Variants in DOCK10 observed in about 807,000 individuals in gnomAD.
DOCK10 encodes dedicator of cytokinesis protein 10.
A neutral mutation model predicts 280.1 loss-of-function variants in DOCK10; 145 were observed. The observed-to-expected ratio is 0.52, with a 90% CI of 0.45 to 0.59. The LOEUF (loss-of-function observed/expected upper bound fraction) is 0.59. Among genes scored for constraint, DOCK10 ranks in the 20% least tolerant of loss-of-function variants. DOCK10 has a pLI of 0.00. For missense variants in DOCK10, 2,368 were observed against 2,651.7 expected (o/e 0.89, Z 2.35); for synonymous variants, 915 against 942.2 (o/e 0.97, Z 0.53).
At chr2:224,791,373 G>A (rs964505729) in intron 47 of DOCK10, among the ~76,000 whole-genome samples, 3 of 151,758 alleles carry the variant, frequency 2.0e-5, no homozygotes, top group African/African-American at 7.3e-5. Context: ...TGAGCCATGG[G>A]TGCCATAGGG....
At chr2:224,830,884 T>C (rs1695178928) in intron 26 of DOCK10, among the ~76,000 whole-genome samples, 6 of 150,868 alleles carry the variant, frequency 4.0e-5, no homozygotes, top group Admixed American at 4.0e-4. Context: ...AGGGATGTTC[T>C]AGTTGTTTCA....
Position 224,968,880 on chromosome 2 carries a change from A to G in DOCK10, c.124-37212T>C, listed in dbSNP as rs188812348. On this transcript the variant is annotated intron_variant, in intron 1 of 55. Coordinates refer to ENST00000258390, the MANE Select transcript of DOCK10 (RefSeq NM_014689.3). ...CAACACAAGGTGTGAACGTCTCTTTAACTGACTGTAACTCAAACAGAGCCA... is the reference window on the plus strand; with the variant it reads ...CAACACAAGGTGTGAACGTCTCTTTGACTGACTGTAACTCAAACAGAGCCA... Among the ~76,000 whole-genome samples, 15 of 152,306 alleles carry G rather than the reference A, an allele frequency of 9.8e-5. No homozygotes were observed. The East Asian group carries it at 2.7e-3, about 27-fold the overall frequency.
At chr2:224,999,240 GTCTC>G (rs916845973) in intron 1 of DOCK10, among the ~76,000 whole-genome samples, 27 of 139,998 alleles carry the variant, frequency 1.9e-4, no homozygotes, top group African/African-American at 6.0e-4. Context: ...CTCTTTCTCT[GTCTC>G]TCTCTCTTTT....
intron 33 of DOCK10, 35 bp downstream of exon 33, chr2:224,807,633 T>C (rs1312832132): frequency 2.3e-5 from 31 of 1,357,462 alleles, no homozygotes; most frequent in Non-Finnish European, 2.9e-5. Flanking sequence ...AAATTCTTTA[T>C]TAACATAGAA....
intron 15 of DOCK10, among the ~76,000 whole-genome samples, chr2:224,855,290 G>C (rs1697049775): frequency 6.6e-6 from 1 of 152,156 alleles, no homozygotes; most frequent in Non-Finnish European, 1.5e-5. Context: ...CAGATTTTCT[G>C]AAAAATTTTA....
chr2:224,803,989 TAAATAG>T (rs200969238), intron 39 of DOCK10, 117 bp downstream of exon 39: 80 of 585,384 alleles, frequency 1.4e-4, no homozygotes, highest in African/African-American at 1.9e-4. Context: ...TTTGAATATA[TAAATAG>T]AAATATGTGT....
intron 1 of DOCK10, among the ~76,000 whole-genome samples, chr2:225,000,190 T>TCACA (rs376882215): frequency 6.9e-6 from 1 of 144,128 alleles, no homozygotes; most frequent in Non-Finnish European, 1.5e-5. Flanking sequence ...ATCACTCAAG[T>TCACA]CACACACACA....
Position 224,777,537 on chromosome 2 carries a change from A to G in DOCK10, c.5802+601T>C, listed in dbSNP as rs528141412. On this transcript the variant is annotated intron_variant, in intron 51 of 55. Coordinates refer to ENST00000258390, the MANE Select transcript of DOCK10 (RefSeq NM_014689.3). ...AGACTCCAAGTTCTTCAGCTTTTGG[A>G]CTCTTGGACTTACACGAGTGATCTG... Among the ~76,000 whole-genome samples the G allele has an allele frequency of 3.9e-5, 6 of 151,978 alleles. No homozygotes were observed. In the South Asian group the frequency reaches 1.2e-3, roughly 32 times the overall value.
intron 44 of DOCK10, 140 bp from the exon 45 acceptor site, chr2:224,795,234 T>C: frequency 1.5e-6 from 1 of 685,798 alleles, no homozygotes; most frequent in South Asian, 1.9e-5. Context: ...ATTCTATATA[T>C]GTGCATTCTA....
At chr2:225,034,806 C>G (rs1690177933) in intron 1 of DOCK10, among the ~76,000 whole-genome samples, 1 of 152,160 alleles carries the variant, frequency 6.6e-6, no homozygotes, top group East Asian at 1.9e-4. Flanking sequence ...ATGAAGACAA[C>G]TAAGCCTAGT....
chr2:224,886,894 C>A (rs537319390), intron 4 of DOCK10, among the ~76,000 whole-genome samples: 5 of 134,644 alleles, frequency 3.7e-5, no homozygotes, highest in East Asian at 4.2e-4. Context: ...CAACACCCCC[C>A]CAAGTAGTAC....
At chr2:225,036,273 G>A (rs527329605) in intron 1 of DOCK10, among the ~76,000 whole-genome samples, 174 of 152,254 alleles carry the variant, frequency 1.1e-3, no homozygotes, top group African/African-American at 4.0e-3. Flanking sequence ...AGATGGAGGA[G>A]AGAATATAAC....
chr2:224,912,643 A>C (rs574412881), intron 3 of DOCK10, among the ~76,000 whole-genome samples: 38 of 152,148 alleles, frequency 2.5e-4, no homozygotes, highest in Non-Finnish European at 4.1e-4. Flanking sequence ...GCCTTATATA[A>C]ACATATTTGT....
chr2:224,949,062 T>C (rs779836685), intron 1 of DOCK10, among the ~76,000 whole-genome samples: 2 of 152,118 alleles, frequency 1.3e-5, no homozygotes, highest in Non-Finnish European at 2.9e-5. Context: ...CCCGGCAGCA[T>C]ATGGGGATGT....
At chr2:224,971,467 G>A (rs1438032641) in intron 1 of DOCK10, among the ~76,000 whole-genome samples, 1 of 152,118 alleles carries the variant, frequency 6.6e-6, no homozygotes, top group African/African-American at 2.4e-5. Flanking sequence ...TGGGCTTGCA[G>A]GGAAGGTGGC....
chr2:224,863,136 T>C (rs1035988569), intron 13 of DOCK10, among the ~76,000 whole-genome samples: 49 of 152,238 alleles, frequency 3.2e-4, no homozygotes, highest in Non-Finnish European at 6.5e-4. Flanking sequence ...AAGAGTCATA[T>C]AGTAAACACA....
At chr2:225,031,509 G>T (rs1164835340) in intron 1 of DOCK10, among the ~76,000 whole-genome samples, 3 of 152,202 alleles carry the variant, frequency 2.0e-5, no homozygotes, top group Admixed American at 2.0e-4. Flanking sequence ...CTGGGTCCAG[G>T]ACAGATCATA....
intron 1 of DOCK10, among the ~76,000 whole-genome samples, chr2:225,032,746 CAA>C (rs1286496583): frequency 2.0e-5 from 3 of 152,176 alleles, no homozygotes; most frequent in Non-Finnish European, 4.4e-5. Context: ...GCTAATCAAA[CAA>C]TGAGTATTTG....
chr2:224,917,101 CTTTTTTTTTTTT>C (rs58223345), intron 2 of DOCK10, among the ~76,000 whole-genome samples: 6 of 95,780 alleles, frequency 6.3e-5, no homozygotes, highest in African/African-American at 2.3e-4. Context: ...CTATTGGAAT[CTTTTTTTTTTTT>C]TTTTTTTTTT....
Sources: gnomAD v4.1 joint callset for allele counts (sites outside exome capture counted in the v4.1 genomes callset) on GRCh38, gnomAD v4.1.1 for gene constraint, MANE v1.5 for transcripts, NCBI Gene and HGNC (gene_info 2026-07-23, HGNC 2026-07-21) for gene names.